Variants in PDE4D observed in about 807,000 individuals in gnomAD.
PDE4D encodes the protein 3',5'-cyclic-AMP phosphodiesterase 4D.
A neutral mutation model predicts 87.4 loss-of-function variants in PDE4D; 24 were observed. The ratio of observed to expected loss-of-function variants is 0.27; its 90% CI spans 0.20 to 0.39. The LOEUF is 0.39. Ranked by LOEUF, PDE4D falls within the 10% of genes least tolerant of loss-of-function variation. The pLI, the probability that PDE4D is intolerant of heterozygous loss-of-function variation, is 1.00. For missense variants in PDE4D, 714 were observed against 1,041.0 expected (o/e 0.69, Z 4.32); for synonymous variants, 384 against 383.2 (o/e 1.00, Z -0.02).
At chr5:59,956,898 A>G (rs1758894076) in intron 3 of PDE4D, among the ~76,000 whole-genome samples, 1 of 152,210 alleles carries the variant, frequency 6.6e-6, no homozygotes, top group Admixed American at 6.5e-5. Flanking sequence ...GTTTGAAAAA[A>G]ATTGCATTAT....
At chr5:59,981,706 G>A (rs1477350377) in intron 3 of PDE4D, among the ~76,000 whole-genome samples, 2 of 152,066 alleles carry the variant, frequency 1.3e-5, no homozygotes, top group Non-Finnish European at 2.9e-5. Flanking sequence ...CAGGCTTCAT[G>A]GTAGACTGTG....
At chr5:59,281,253 C>T (rs1473282049) in intron 1 of PDE4D, among the ~76,000 whole-genome samples, 2 of 152,120 alleles carry the variant, frequency 1.3e-5, no homozygotes, top group Non-Finnish European at 2.9e-5. Context: ...GACCTTTTCT[C>T]TTCCTACTTC....
chr5:58,976,555 A>G, intron 12 of PDE4D, 83 bp from the exon 13 acceptor site: 1 of 1,135,970 alleles, frequency 8.8e-7, no homozygotes, highest in South Asian at 1.5e-5. Flanking sequence ...AGAATGAAAA[A>G]GGAATAAAAC....
intron 1 of PDE4D, among the ~76,000 whole-genome samples, chr5:60,462,307 G>A (rs544494256): frequency 1.3e-5 from 2 of 152,250 alleles, no homozygotes; most frequent in East Asian, 3.9e-4. Context: ...GGCCTGAGGG[G>A]TGTTCATGGG....
intron 1 of PDE4D, among the ~76,000 whole-genome samples, chr5:59,659,960 G>A (rs768440183): frequency 2.0e-5 from 3 of 152,094 alleles, no homozygotes; most frequent in Non-Finnish European, 4.4e-5. Context: ...CGAGATGGGT[G>A]GATTGCTTGA....
chr5:59,035,689 A>G (rs539838746), intron 6 of PDE4D, among the ~76,000 whole-genome samples: 20 of 152,330 alleles, frequency 1.3e-4, no homozygotes, highest in Non-Finnish European at 2.5e-4. Context: ...GCTAAAAAAA[A>G]TTGAAGTCAT....
At chr5:60,231,976 C>G (rs1331129116) in intron 1 of PDE4D, among the ~76,000 whole-genome samples, 1 of 151,824 alleles carries the variant, frequency 6.6e-6, no homozygotes, top group Non-Finnish European at 1.5e-5. Context: ...GGAGGGGGAC[C>G]GCCTTAGTCA....
chr5:59,919,258 T>C lies in PDE4D; in HGVS notation c.272+69230A>G, dbSNP rs1754411187. Among the ~76,000 whole-genome samples the C allele has an allele frequency of 1.3e-5, 2 of 152,176 alleles. 1 individual carries two copies. Among genetic ancestry groups the C allele is most frequent in the South Asian group, 4.1e-4 (2 of 4,830 alleles). On this transcript the variant is annotated intron_variant, in intron 3 of 16. Coordinates refer to the PDE4D transcript ENST00000502484. ...TAATTGCCAATGCCAGTCTAAGAGT[T>C]TTAGCCTGGATTTAAGATGTGTGCT...
chr5:59,588,070 T>C (rs1381382024), intron 1 of PDE4D, among the ~76,000 whole-genome samples: 3 of 152,156 alleles, frequency 2.0e-5, no homozygotes, highest in Admixed American at 2.0e-4. Flanking sequence ...GATGACCACA[T>C]GGTGATTTTT....
chr5:59,262,523 G>T (rs147153344), intron 1 of PDE4D, among the ~76,000 whole-genome samples: 1,679 of 151,678 alleles, frequency 0.011, 35 homozygotes, highest in African/African-American at 0.038. Context: ...CTTCACAATC[G>T]GAAAAGTTCA....
intron 1 of PDE4D, among the ~76,000 whole-genome samples, chr5:59,743,245 T>C (rs1207908899): frequency 1.3e-5 from 2 of 152,092 alleles, no homozygotes; most frequent in Non-Finnish European, 2.9e-5. Context: ...AAAAAAGATT[T>C]AAGAAGCTTA....
chr5:59,069,481 C>G (rs1764409383), intron 5 of PDE4D, among the ~76,000 whole-genome samples: 1 of 151,418 alleles, frequency 6.6e-6, no homozygotes. Flanking sequence ...ATTACTCATC[C>G]TATCTGTAGA....
In PDE4D at chr5:59,094,688, C is replaced by A. The variant is rs567297812; in HGVS notation, c.809-55717G>T. ...ATAGAAAATACTGGAGTGATGCCTA[C>A]AAAATGTTCAAAAAAATACATTTTT... On this transcript the variant is annotated intron_variant, in intron 5 of 14. Coordinates refer to ENST00000340635, the MANE Select transcript of PDE4D (RefSeq NM_001104631.2). Among the ~76,000 whole-genome samples the A allele has an allele frequency of 1.6e-4, 25 of 152,168 alleles. No individual in the cohort carries two copies. In the South Asian group the frequency reaches 1.9e-3, roughly 11 times the overall value.
At chr5:59,123,545 TGTGAC>T (rs1208793547) in intron 5 of PDE4D, among the ~76,000 whole-genome samples, 2 of 152,220 alleles carry the variant, frequency 1.3e-5, no homozygotes, top group Non-Finnish European at 2.9e-5. Flanking sequence ...TTTTAATACC[TGTGAC>T]CCCTCCAGTC....
intron 12 of PDE4D, 40 bp from the exon 13 acceptor site, chr5:58,976,512 G>T: frequency 7.1e-7 from 1 of 1,413,530 alleles, no homozygotes; most frequent in Non-Finnish European, 9.7e-7. Context: ...AGAGAAAACA[G>T]AATTTACACA....
intron 1 of PDE4D, among the ~76,000 whole-genome samples, chr5:59,233,418 C>G (rs1390882761): frequency 6.6e-6 from 1 of 152,124 alleles, no homozygotes; most frequent in South Asian, 2.1e-4. Context: ...GGTTCAGAGT[C>G]TATAGAAAAA....
At chr5:59,234,820 T>G (rs1250944401) in intron 1 of PDE4D, among the ~76,000 whole-genome samples, 1 of 152,208 alleles carries the variant, frequency 6.6e-6, no homozygotes, top group East Asian at 1.9e-4. Flanking sequence ...CTTTGAAATT[T>G]AATTTGACCA....
At chr5:59,222,422 A>G (rs1256482338) in intron 1 of PDE4D, among the ~76,000 whole-genome samples, 3 of 152,166 alleles carry the variant, frequency 2.0e-5, no homozygotes, top group African/African-American at 4.8e-5. Flanking sequence ...TATCCTAGCC[A>G]TCAGGACCTT....
intron 1 of PDE4D, among the ~76,000 whole-genome samples, chr5:60,291,893 C>T (rs4700371): frequency 0.24 from 36,240 of 151,788 alleles, 5,402 homozygotes; most frequent in Non-Finnish European, 0.32. Context: ...AATTTGTATG[C>T]AATATGGGAA....
Sources: allele counts gnomAD v4.1 joint callset (sites outside exome capture counted in the v4.1 genomes callset), GRCh38; gene constraint gnomAD v4.1.1; transcripts MANE v1.5; gene names NCBI Gene and HGNC (gene_info 2026-07-23, HGNC 2026-07-21).